The following NAALADL2 variants were observed in gnomAD, a reference collection of about 807,000 sequenced individuals.
NAALADL2 encodes inactive N-acetylated-alpha-linked acidic dipeptidase-like protein 2.
Under a neutral mutation model 87.2 loss-of-function variants are expected in NAALADL2, and 76 were observed. That is an observed-to-expected ratio of 0.87 (90% CI 0.72 to 1.05). The LOEUF (loss-of-function observed/expected upper bound fraction) is 1.05, where lower values mean the gene tolerates loss of function less well. Ranked by LOEUF, NAALADL2 falls within the 50% of genes least tolerant of loss-of-function variation. The probability of loss-of-function intolerance (pLI) is 0.00; values close to 1 mark genes in which losing one functional copy is unlikely to be tolerated. For missense variants in NAALADL2, 1,089 were observed against 945.8 expected, an observed-to-expected ratio of 1.15 and a Z score of -1.99; for synonymous variants, 354 against 331.0, an observed-to-expected ratio of 1.07 and a Z score of -0.75.
intron 1 of NAALADL2, among the ~76,000 whole-genome samples, chr3:174,946,745 A>G (rs986351414): frequency 2.0e-5 from 3 of 152,154 alleles, no homozygotes; most frequent in African/African-American, 4.8e-5. Context: ...GGAAAGGTAG[A>G]TGTGAAGTAG....
intron 5 of NAALADL2, among the ~76,000 whole-genome samples, chr3:175,435,702 C>A (rs1269940399): frequency 6.6e-6 from 1 of 151,946 alleles, no homozygotes; most frequent in African/African-American, 2.4e-5. Context: ...GTTTATATGT[C>A]TAAACATAAA....
rs574426946 is a variant in NAALADL2, at chr3:174,572,379, A to G, written c.-115+21742A>G. ...AAATATCTTAGAAAGTTATGACAGA[A>G]TGCAACTTCCTTTAATTTTGTAAAA... On this transcript the variant is annotated intron_variant, in intron 2 of 3. Coordinates refer to the NAALADL2 transcript ENST00000434257. Among the ~76,000 whole-genome samples, 7 of 152,326 alleles carry G rather than the reference A, an allele frequency of 4.6e-5. No individual in the cohort carries two copies. In the East Asian group the frequency reaches 1.3e-3, roughly 29 times the overall value.
chr3:174,558,349 C>CG (rs199570927), intron 2 of NAALADL2, among the ~76,000 whole-genome samples: 2,792 of 151,902 alleles, frequency 0.018, 96 homozygotes, highest in African/African-American at 0.063. Context: ...AGACTGGGTA[C>CG]GGGGGGGATG....
At chr3:175,144,756 T>C (rs921031686) in intron 2 of NAALADL2, among the ~76,000 whole-genome samples, 1 of 151,964 alleles carries the variant, frequency 6.6e-6, no homozygotes, top group African/African-American at 2.4e-5. Context: ...AGTTCTTGTG[T>C]TTAATGCCTC....
At chr3:174,729,525 G>C (rs1732508425) in intron 2 of NAALADL2, among the ~76,000 whole-genome samples, 1 of 151,860 alleles carries the variant, frequency 6.6e-6, no homozygotes, top group South Asian at 2.1e-4. Context: ...AGTTTCCAGA[G>C]GATGGGTATT....
chr3:175,076,906 T>C (rs908680557), intron 1 of NAALADL2, among the ~76,000 whole-genome samples: 15 of 152,230 alleles, frequency 9.9e-5, no homozygotes, highest in African/African-American at 3.6e-4. Context: ...TGCAGTTTTG[T>C]AGTTTTTCAG....
Position 174,602,974 on chromosome 3 carries a change from C to A in NAALADL2, c.-115+52337C>A, listed in dbSNP as rs144453578. 1.4e-3 allele frequency among the ~76,000 whole-genome samples: 219 copies of A among 151,936 alleles called. 1 individual carries two copies. The highest frequency in any genetic ancestry group is 4.9e-3 in the African/African-American group (204 of 41,504). On this transcript the variant is annotated intron_variant, in intron 2 of 3. Transcript: ENST00000434257. ...ACCATCATTACATTCCTGCGATAAT[C>A]CCACTTGGTAATGATGAATTTGTTA...
At chr3:175,218,872 C>T (rs574664813) in intron 2 of NAALADL2, among the ~76,000 whole-genome samples, 1 of 151,960 alleles carries the variant, frequency 6.6e-6, no homozygotes, top group African/African-American at 2.4e-5. Context: ...ATCGCGCAAT[C>T]TCAGCCCACT....
intron 9 of NAALADL2, among the ~76,000 whole-genome samples, chr3:175,531,586 T>TGTCATAGACACAAAGCCA (rs1439295773): frequency 6.6e-6 from 1 of 152,154 alleles, no homozygotes; most frequent in Non-Finnish European, 1.5e-5. Flanking sequence ...AGCCATAGAG[T>TGTCATAGACACAAAGCCA]TGATATACTG....
At chr3:174,509,896 A>G (rs1010665227) in intron 1 of NAALADL2, among the ~76,000 whole-genome samples, 5 of 152,078 alleles carry the variant, frequency 3.3e-5, no homozygotes, top group Non-Finnish European at 4.4e-5. Context: ...TCCTTAACAG[A>G]TGCCATGTAT....
intron 1 of NAALADL2, among the ~76,000 whole-genome samples, chr3:174,965,494 AG>A (rs1443394929): frequency 1.3e-5 from 2 of 152,172 alleles, no homozygotes; most frequent in South Asian, 4.1e-4. Context: ...TCAGTGGTGA[AG>A]TGTAAAGATT....
intron 4 of NAALADL2, among the ~76,000 whole-genome samples, chr3:175,320,281 G>T (rs964170913): frequency 1.6e-4 from 25 of 152,194 alleles, no homozygotes; most frequent in Non-Finnish European, 2.9e-4. Flanking sequence ...TTAGTATATT[G>T]TCAAGTTCTT....
Position 174,667,545 on chromosome 3 carries a change from G to GTTT in NAALADL2, c.-114-70081_-114-70079dup, listed in dbSNP as rs71162402. ...CTGAAAACTCTCCAGATGGGAGAGA[G>GTTT]TTTTTTTTTTTTTTTTTATAGCAAG... On this transcript the variant is annotated intron_variant, in intron 2 of 3. Coordinates refer to the NAALADL2 transcript ENST00000434257. Among the ~76,000 whole-genome samples the GTTT allele has an allele frequency of 2.4e-5, 3 of 123,766 alleles. 1 individual carries two copies. Among genetic ancestry groups the GTTT allele is most frequent in the Non-Finnish European group, 4.9e-5 (3 of 60,920 alleles). The allele number at this position is 123,766 out of a possible 152,430, so 81.2% of individuals were successfully genotyped here.
chr3:175,604,256 G>A (rs2149649175), intron 10 of NAALADL2, among the ~76,000 whole-genome samples: 1 of 151,376 alleles, frequency 6.6e-6, no homozygotes, highest in South Asian at 2.1e-4. Flanking sequence ...TAAGTGTGAG[G>A]TGGTATCTCA....
intron 11 of NAALADL2, among the ~76,000 whole-genome samples, chr3:175,660,435 A>G (rs1385981949): frequency 6.6e-6 from 1 of 152,170 alleles, no homozygotes; most frequent in Non-Finnish European, 1.5e-5. Context: ...TGATACATGT[A>G]CACAATGTGT....
chr3:175,027,970 T>A (rs757618345), intron 1 of NAALADL2, among the ~76,000 whole-genome samples: 1 of 151,952 alleles, frequency 6.6e-6, no homozygotes, highest in Non-Finnish European at 1.5e-5. Context: ...ATTATTCACA[T>A]GTGAAAAGGC....
chr3:174,852,872 G>C lies in NAALADL2; in HGVS notation c.-9+115126G>C, dbSNP rs760457960. On this transcript the variant is annotated intron_variant, in intron 3 of 3. Coordinates refer to the NAALADL2 transcript ENST00000434257. ...CATAAAAATGGATGCATAGATGATG[G>C]AGCAGAATAAACAAAACCCAGGGAT... 4.6e-5 allele frequency among the ~76,000 whole-genome samples: 7 copies of C among 152,138 alleles called. No homozygotes were observed. In the South Asian group the frequency reaches 1.2e-3, roughly 27 times the overall value.
At chr3:175,347,567 C>T (rs1034055186) in intron 5 of NAALADL2, among the ~76,000 whole-genome samples, 2 of 151,994 alleles carry the variant, frequency 1.3e-5, no homozygotes, top group Non-Finnish European at 1.5e-5. Context: ...TAAATAACCC[C>T]GTCACCACCC....
At chr3:174,758,009 A>G (rs947919608) in intron 3 of NAALADL2, among the ~76,000 whole-genome samples, 1 of 152,208 alleles carries the variant, frequency 6.6e-6, no homozygotes, top group Admixed American at 6.5e-5. Context: ...AAAATTAGCA[A>G]GGGAGTGAAA....
Sources: allele counts gnomAD v4.1 joint callset (sites outside exome capture counted in the v4.1 genomes callset), GRCh38; gene constraint gnomAD v4.1.1; transcripts MANE v1.5; gene names NCBI Gene and HGNC (gene_info 2026-07-23, HGNC 2026-07-21).